Variants in NPC1 observed in about 807,000 individuals in gnomAD.
NPC1 encodes Niemann-Pick C1 protein.
Under a neutral mutation model 140.4 loss-of-function variants are expected in NPC1, and 85 were observed. The observed-to-expected ratio is 0.61, with a 90% CI of 0.51 to 0.72. The LOEUF (loss-of-function observed/expected upper bound fraction) is 0.72, where lower values mean the gene tolerates loss of function less well. NPC1 is among the 30% of genes least tolerant of loss of function. NPC1 has a pLI of 0.00. For missense variants in NPC1, 1,504 were observed against 1,623.8 expected, an observed-to-expected ratio of 0.93 and a Z score of 1.27; for synonymous variants, 656 against 624.8, an observed-to-expected ratio of 1.05 and a Z score of -0.74.
intron 4 of NPC1, among the ~76,000 whole-genome samples, chr18:23,567,591 G>T (rs1435246354): frequency 6.6e-6 from 1 of 152,022 alleles, no homozygotes; most frequent in Non-Finnish European, 1.5e-5. Flanking sequence ...TTGTCTTCTC[G>T]TTCTTGAGGT....
downstream of NPC1, chr18:23,528,994 C>T (rs1211489040): frequency 3.3e-6 from 3 of 916,412 alleles, no homozygotes; most frequent in Non-Finnish European, 4.7e-6. Context: ...ATTCTCCTGC[C>T]TCAGCCTCCT....
At chr18:23,552,907 A>C (rs764790609) in intron 9 of NPC1, among the ~76,000 whole-genome samples, 1 of 152,220 alleles carries the variant, frequency 6.6e-6, no homozygotes, top group African/African-American at 2.4e-5. Flanking sequence ...CTCAAGCCTG[A>C]GTAACTGGTA....
chr18:23,575,368 G>A (rs1034476349), intron 1 of NPC1, among the ~76,000 whole-genome samples: 2 of 152,176 alleles, frequency 1.3e-5, no homozygotes, highest in Admixed American at 1.3e-4. Context: ...GCGGCACGGA[G>A]TGGGATCGAG....
downstream of NPC1, chr18:23,530,118 G>A (rs768953135): frequency 1.5e-5 from 24 of 1,613,988 alleles, no homozygotes; most frequent in South Asian, 2.2e-5. Flanking sequence ...CGTCCTCAGC[G>A]ACTCCAAACC....
downstream of NPC1, among the ~76,000 whole-genome samples, chr18:23,530,963 G>T (rs981407723): frequency 6.6e-6 from 1 of 152,064 alleles, no homozygotes; most frequent in African/African-American, 2.4e-5. Flanking sequence ...GCTTATTAAG[G>T]TTTCAGTTTT....
In NPC1 at chr18:23,572,154, G is replaced by A; in HGVS notation, c.207C>T (p.Gly69=). 1 of 1,613,126 alleles carries A rather than the reference G, an allele frequency of 6.2e-7. No homozygotes were observed. Among genetic ancestry groups the A allele is most frequent in the Non-Finnish European group, 8.5e-7 (1 of 1,179,412 alleles). The change falls in exon 3 of 25, where the codon GGC becomes GGT. Residue 69 remains glycine, a synonymous_variant. Transcript: ENST00000269228. The part of the protein sequence containing the change: ...VQELCPGFFF[G]NVSLCCDVRQ... ...GAACATCACAACAGAGACTGACATT[G>A]CCAAAGAAGAATCCTGGACAGAGTT...
chr18:23,518,952 C>T (rs747025423), downstream of NPC1: 13 of 1,614,008 alleles, frequency 8.1e-6, no homozygotes, highest in Admixed American at 3.3e-5. Flanking sequence ...AGCACAGGAG[C>T]GGAGGTGGTC....
At chr18:23,548,687 G>A (rs915307647) in intron 10 of NPC1, among the ~76,000 whole-genome samples, 2 of 152,100 alleles carry the variant, frequency 1.3e-5, no homozygotes, top group African/African-American at 4.8e-5. Context: ...CAACTGATGA[G>A]TAGTTTTGCA....
intron 4 of NPC1, among the ~76,000 whole-genome samples, chr18:23,562,146 G>T (rs563276350): frequency 5.3e-5 from 8 of 151,996 alleles, no homozygotes; most frequent in Non-Finnish European, 1.0e-4. Context: ...AAAATTAGCC[G>T]GGCGTGGTGG....
chr18:23,529,618 C>G, downstream of NPC1: 1 of 1,610,268 alleles, frequency 6.2e-7, no homozygotes, highest in Non-Finnish European at 8.5e-7. Context: ...TGTAAGACCA[C>G]ATTTTTTTCT....
At chr18:23,549,584 A>G (rs1161982956) in intron 10 of NPC1, among the ~76,000 whole-genome samples, 1 of 151,640 alleles carries the variant, frequency 6.6e-6, no homozygotes, top group Non-Finnish European at 1.5e-5. Flanking sequence ...GGTTGCAGTG[A>G]GCCGAGATCA....
At chr18:23,529,786 G>T, downstream of NPC1, 2 of 1,411,490 alleles carry the variant, frequency 1.4e-6, no homozygotes, top group Non-Finnish European at 2.0e-6. Flanking sequence ...TGTCTTAGAA[G>T]ATGACTCATA....
intron 3 of NPC1, among the ~76,000 whole-genome samples, chr18:23,570,206 T>G (rs1161382957): frequency 6.6e-6 from 1 of 152,250 alleles, no homozygotes; most frequent in Non-Finnish European, 1.5e-5. Context: ...CTACATTTAA[T>G]GCCCACAATC....
At chr18:23,558,846 A>G (rs2058993396) in intron 6 of NPC1, among the ~76,000 whole-genome samples, 1 of 152,010 alleles carries the variant, frequency 6.6e-6, no homozygotes, top group African/African-American at 2.4e-5. Context: ...AGCATTAGGT[A>G]TATCTCCTAA....
At chr18:23,575,560 A>G (rs1393602893) in intron 1 of NPC1, among the ~76,000 whole-genome samples, 5 of 152,128 alleles carry the variant, frequency 3.3e-5, no homozygotes, top group African/African-American at 4.8e-5. Flanking sequence ...GCCTATCTGT[A>G]CATATATAGT....
At chr18:23,516,196 TGGG>T in intron 3 of NPC1, 1 of 1,335,830 alleles carries the variant, frequency 7.5e-7, no homozygotes, top group South Asian at 1.2e-5. Flanking sequence ...TGAGAGGACA[TGGG>T]GGACGGTGGA....
chr18:23,519,138 G>A (rs753119699), downstream of NPC1: 13 of 1,614,152 alleles, frequency 8.1e-6, no homozygotes, highest in Admixed American at 2.2e-4. Flanking sequence ...TGAACGTGGT[G>A]GACAACCTGG....
At position 23,560,225 on chromosome 18, in the gene NPC1, G is replaced by C; in HGVS notation, c.881+6C>G. The C allele has an allele frequency of 6.2e-7, 1 of 1,613,994 alleles. No individual in the cohort carries two copies. The highest frequency in any genetic ancestry group is 8.5e-7 in the Non-Finnish European group (1 of 1,179,988). On this transcript the variant is annotated splice_donor_region_variant and intron_variant, in intron 6 of 24. Coordinates refer to ENST00000269228, the MANE Select transcript of NPC1 (RefSeq NM_000271.5). ...TTTGCCCTGGATGACAAACAAAACTGCTTACCTGTAGCACCACACTGCAAA... is the reference window on the plus strand; with the variant it reads ...TTTGCCCTGGATGACAAACAAAACTCCTTACCTGTAGCACCACACTGCAAA...
At chr18:23,510,176 TAGTC>T (rs1218407194) in intron 3 of NPC1, among the ~76,000 whole-genome samples, 2 of 151,318 alleles carry the variant, frequency 1.3e-5, no homozygotes, top group East Asian at 3.9e-4. Flanking sequence ...TACAAAATGT[TAGTC>T]AGGCATGGTG....
Sources: allele counts gnomAD v4.1 joint callset (sites outside exome capture counted in the v4.1 genomes callset), GRCh38; gene constraint gnomAD v4.1.1; transcripts MANE v1.5; gene names NCBI Gene and HGNC (gene_info 2026-07-23, HGNC 2026-07-21).